The following MTUS2 variants were observed in gnomAD, a reference collection of about 807,000 sequenced individuals.
The protein encoded by MTUS2 is microtubule-associated tumor suppressor candidate 2.
A neutral mutation model predicts 114.1 loss-of-function variants in MTUS2; 40 were observed. The observed-to-expected ratio is 0.35, with a 90% confidence interval of 0.27 to 0.46. The LOEUF (loss-of-function observed/expected upper bound fraction) is 0.46, where lower values mean the gene tolerates loss of function less well. Ranked by LOEUF, MTUS2 falls within the 20% of genes least tolerant of loss-of-function variation. The pLI is 1.00. For missense variants in MTUS2, 1,679 were observed against 1,705.4 expected (o/e 0.98, Z 0.27); for synonymous variants, 688 against 672.0 (o/e 1.02, Z -0.37).
At chr13:29,201,377 A>AT (rs1228432969) in intron 5 of MTUS2, among the ~76,000 whole-genome samples, 3 of 150,200 alleles carry the variant, frequency 2.0e-5, no homozygotes, top group Admixed American at 1.3e-4. Context: ...AAATTCCTCA[A>AT]TTTTTTTGTT....
At chr13:29,109,851 T>C (rs1205756623) in intron 5 of MTUS2, among the ~76,000 whole-genome samples, 1 of 152,218 alleles carries the variant, frequency 6.6e-6, no homozygotes, top group East Asian at 1.9e-4. Context: ...TCTGCTGACA[T>C]CTGAGTCAGG....
chr13:29,050,614 T>G (rs1166600055), intron 4 of MTUS2, among the ~76,000 whole-genome samples: 1 of 152,194 alleles, frequency 6.6e-6, no homozygotes, highest in African/African-American at 2.4e-5. Context: ...CACACCCAGC[T>G]TCACCACCAG....
At chr13:29,229,145 T>C (rs1162173337) in intron 5 of MTUS2, among the ~76,000 whole-genome samples, 2 of 152,174 alleles carry the variant, frequency 1.3e-5, no homozygotes, top group African/African-American at 4.8e-5. Flanking sequence ...TGGTTTCTGC[T>C]GGCTCCCCTG....
chr13:29,175,706 T>C (rs751023300), intron 5 of MTUS2, among the ~76,000 whole-genome samples: 1 of 152,122 alleles, frequency 6.6e-6, no homozygotes, highest in Non-Finnish European at 1.5e-5. Flanking sequence ...TGGCCTTATG[T>C]GGATGTGGCC....
chr13:29,491,450 G>A (rs1438677583), intron 11 of MTUS2, among the ~76,000 whole-genome samples: 5 of 148,158 alleles, frequency 3.4e-5, no homozygotes, highest in Admixed American at 2.7e-4. Flanking sequence ...TGTAGTGGGT[G>A]TGTGGTGTAG....
intron 1 of MTUS2, among the ~76,000 whole-genome samples, chr13:28,830,750 A>G (rs547562986): frequency 6.6e-6 from 1 of 152,264 alleles, no homozygotes; most frequent in East Asian, 1.9e-4. Context: ...TGAGGAAATA[A>G]TGGACAAAAA....
chr13:28,840,181 G>T (rs779453553), intron 2 of MTUS2, among the ~76,000 whole-genome samples: 2 of 152,074 alleles, frequency 1.3e-5, no homozygotes, highest in Non-Finnish European at 1.5e-5. Flanking sequence ...TCATGTTATT[G>T]TTAGCATGTG....
At chr13:29,359,127 A>T (rs964866493) in intron 7 of MTUS2, 135 bp from the exon 8 acceptor site, 1 of 851,878 alleles carries the variant, frequency 1.2e-6, no homozygotes, top group Non-Finnish European at 1.8e-6. Flanking sequence ...TTTCTTTTCA[A>T]TCCTTAAAAA....
chr13:29,051,204 T>A (rs538524032), intron 4 of MTUS2, among the ~76,000 whole-genome samples: 1 of 152,110 alleles, frequency 6.6e-6, no homozygotes, highest in Non-Finnish European at 1.5e-5. Flanking sequence ...GTGAAATTAT[T>A]GGGATACATT....
At chr13:29,428,656 C>T in intron 8 of MTUS2, 4 of 1,197,468 alleles carry the variant, frequency 3.3e-6, no homozygotes, top group South Asian at 1.7e-5. Context: ...CTGCTCTCCT[C>T]CTCCTCTCAT....
chr13:28,890,301 C>T (rs899177576), intron 2 of MTUS2, among the ~76,000 whole-genome samples: 6 of 152,172 alleles, frequency 3.9e-5, no homozygotes, highest in African/African-American at 1.2e-4. Context: ...TTATTAGTTA[C>T]GTCTCTCTGG....
intron 5 of MTUS2, among the ~76,000 whole-genome samples, chr13:29,108,426 G>C (rs2138853621): frequency 6.6e-6 from 1 of 152,304 alleles, no homozygotes; most frequent in East Asian, 1.9e-4. Context: ...AAGGTTTGGG[G>C]AACATTTTTA....
At chr13:29,372,256 T>A (rs1412377878) in intron 8 of MTUS2, among the ~76,000 whole-genome samples, 2 of 151,878 alleles carry the variant, frequency 1.3e-5, no homozygotes, top group Non-Finnish European at 2.9e-5. Flanking sequence ...ATTTATCACG[T>A]CTAGCAGCAC....
intron 11 of MTUS2, among the ~76,000 whole-genome samples, chr13:29,490,722 A>G (rs1265488429): frequency 6.6e-6 from 1 of 152,260 alleles, no homozygotes; most frequent in Non-Finnish European, 1.5e-5. Context: ...GAGGCTACCA[A>G]GGTGTCCGTG....
chr13:29,302,276 C>G (rs3011454), intron 6 of MTUS2, among the ~76,000 whole-genome samples: 123,882 of 152,150 alleles, frequency 0.81, 50,897 homozygotes, highest in Admixed American at 0.88. Flanking sequence ...CCCCCACCCC[C>G]AGCCAAGGGA....
chr13:28,834,242 A>G (rs897664839), intron 1 of MTUS2, among the ~76,000 whole-genome samples: 18 of 152,132 alleles, frequency 1.2e-4, no homozygotes, highest in Non-Finnish European at 2.5e-4. Context: ...AAGCAGAACA[A>G]AGTTGAAGGA....
chr13:29,282,118 C>G (rs557423246), intron 6 of MTUS2, among the ~76,000 whole-genome samples: 24 of 152,318 alleles, frequency 1.6e-4, no homozygotes, highest in Admixed American at 1.4e-3. Flanking sequence ...AAGCAAGAAC[C>G]AAGCTATTTT....
intron 2 of MTUS2, among the ~76,000 whole-genome samples, chr13:29,004,649 A>G (rs1231911619): frequency 6.6e-6 from 1 of 152,228 alleles, no homozygotes; most frequent in Admixed American, 6.5e-5. Context: ...ATGTTAGTTT[A>G]GCTTGCCAGA....
At chr13:29,103,838 G>A (rs1373721612) in intron 5 of MTUS2, among the ~76,000 whole-genome samples, 2 of 152,182 alleles carry the variant, frequency 1.3e-5, no homozygotes, top group East Asian at 3.8e-4. Context: ...ATTTTTAGAT[G>A]TTTGTGCATA....
Sources: gnomAD v4.1 joint callset for allele counts (sites outside exome capture counted in the v4.1 genomes callset) on GRCh38, gnomAD v4.1.1 for gene constraint, MANE v1.5 for transcripts, NCBI Gene and HGNC (gene_info 2026-07-23, HGNC 2026-07-21) for gene names.